AGTPBP1: variants seen among roughly 807,000 people sequenced by gnomAD.
The protein encoded by AGTPBP1 is cytosolic carboxypeptidase 1.
In AGTPBP1, 70 loss-of-function variants were observed where a neutral mutation model predicts 143.9. The ratio of observed to expected loss-of-function variants is 0.49; its 90% CI spans 0.40 to 0.59. AGTPBP1 has a LOEUF of 0.59. Among genes scored for constraint, AGTPBP1 ranks in the 20% least tolerant of loss-of-function variants. The pLI, the probability that AGTPBP1 is intolerant of heterozygous loss-of-function variation, is 0.00. For missense variants in AGTPBP1, 1,229 were observed against 1,464.5 expected (o/e 0.84, Z 2.62); for synonymous variants, 463 against 500.2 (o/e 0.93, Z 0.99).
intron 18 of AGTPBP1, among the ~76,000 whole-genome samples, chr9:85,594,546 C>T (rs1220097142): frequency 2.6e-5 from 4 of 151,988 alleles, no homozygotes; most frequent in African/African-American, 9.7e-5. Flanking sequence ...AGTCGGACTG[C>T]ACCATTGCTT....
intron 25 of AGTPBP1, among the ~76,000 whole-genome samples, chr9:85,565,468 T>C (rs1400608514): frequency 6.6e-6 from 1 of 152,156 alleles, no homozygotes; most frequent in Non-Finnish European, 1.5e-5. Context: ...TTTATATTCA[T>C]TAACTTGATA....
the AGTPBP1 span, among the ~76,000 whole-genome samples, chr9:85,792,659 T>A: frequency 6.6e-6 from 1 of 152,258 alleles, no homozygotes; most frequent in Non-Finnish European, 1.5e-5. Context: ...GCATTTAATA[T>A]CAAAATCATA....
intron 25 of AGTPBP1, among the ~76,000 whole-genome samples, chr9:85,558,651 T>C (rs1826502708): frequency 6.6e-6 from 1 of 152,332 alleles, no homozygotes; most frequent in South Asian, 2.1e-4. Context: ...TCTCATTCTG[T>C]TACCCAGGCT....
chr9:85,598,364 AC>A (rs1477427368), intron 17 of AGTPBP1, among the ~76,000 whole-genome samples: 1 of 152,208 alleles, frequency 6.6e-6, no homozygotes, highest in African/African-American at 2.4e-5. Flanking sequence ...CCAGATTAGT[AC>A]CACTTGTTCT....
intron 17 of AGTPBP1, among the ~76,000 whole-genome samples, chr9:85,610,880 G>C (rs895210100): frequency 2.0e-5 from 3 of 152,032 alleles, no homozygotes; most frequent in Non-Finnish European, 4.4e-5. Flanking sequence ...TTAATGTTAA[G>C]ACAAACCAAG....
intron 9 of AGTPBP1, among the ~76,000 whole-genome samples, chr9:85,658,557 T>TA (rs1301353429): frequency 6.6e-6 from 1 of 152,086 alleles, no homozygotes; most frequent in Non-Finnish European, 1.5e-5. Flanking sequence ...TGAGGTTGTT[T>TA]AATTACAAGG....
the AGTPBP1 span, among the ~76,000 whole-genome samples, chr9:85,777,878 C>T: frequency 1.3e-5 from 2 of 152,366 alleles, no homozygotes; most frequent in Non-Finnish European, 2.9e-5. Context: ...GTTCTGCCCA[C>T]TGGGAAGATT....
chr9:85,568,749 G>A (rs1402518761), intron 25 of AGTPBP1, among the ~76,000 whole-genome samples: 1 of 152,186 alleles, frequency 6.6e-6, no homozygotes, highest in Non-Finnish European at 1.5e-5. Flanking sequence ...AAATATCTCA[G>A]AAGAGAAATC....
intron 3 of AGTPBP1, among the ~76,000 whole-genome samples, chr9:85,684,007 C>T (rs558428182): frequency 6.6e-6 from 1 of 151,634 alleles, no homozygotes; most frequent in East Asian, 1.9e-4. Context: ...CCTGCTCCTA[C>T]ATCAGAGTAA....
At chr9:85,776,201 T>C in the AGTPBP1 span, among the ~76,000 whole-genome samples, 6 of 152,176 alleles carry the variant, frequency 3.9e-5, no homozygotes, top group Non-Finnish European at 5.9e-5. Flanking sequence ...TGTCACATGA[T>C]AAAGGAAAAA....
upstream of AGTPBP1, among the ~76,000 whole-genome samples, chr9:85,746,577 C>T (rs1285623586): frequency 6.6e-6 from 1 of 151,902 alleles, no homozygotes; most frequent in African/African-American, 2.4e-5. Flanking sequence ...TACAGTAAAC[C>T]GTAATCACAC....
chr9:85,770,914 G>A, the AGTPBP1 span, among the ~76,000 whole-genome samples: 1 of 151,972 alleles, frequency 6.6e-6, no homozygotes, highest in East Asian at 1.9e-4. Flanking sequence ...CATCATGTAT[G>A]AGTTGAAATG....
At position 85,669,654 on chromosome 9, in the gene AGTPBP1, G is replaced by C. The variant is rs950624592; in HGVS notation, c.569-76C>G. 6 of 869,580 alleles carry C rather than the reference G, an allele frequency of 6.9e-6. No homozygotes were observed. The African/African-American group carries it at 8.4e-5, about 12-fold the overall frequency. The allele number at this position is 869,580 out of a possible 1,614,324, so 53.9% of individuals were successfully genotyped here. A position where few individuals can be genotyped will look rare whatever the true frequency, so the allele number is the denominator to read the frequency against. On this transcript the variant is annotated intron_variant, in intron 7 of 25. Transcript: ENST00000357081. ...AAATGTGTATACTTAGTGATACATA[G>C]GCAAAAACATATACAAATTGTTTAG... is the stretch of plus-strand genomic sequence containing the variant.
At chr9:85,721,717 T>A (rs1838135592) in intron 1 of AGTPBP1, among the ~76,000 whole-genome samples, 1 of 152,198 alleles carries the variant, frequency 6.6e-6, no homozygotes. Context: ...GTCATTATGA[T>A]GTTAGCTGGT....
At chr9:85,580,222 G>A (rs1434119403) in intron 23 of AGTPBP1, among the ~76,000 whole-genome samples, 6 of 149,826 alleles carry the variant, frequency 4.0e-5, no homozygotes, top group African/African-American at 1.2e-4. Context: ...GGGCAACAAG[G>A]GTGAAACTCC....
intron 2 of AGTPBP1, among the ~76,000 whole-genome samples, chr9:85,698,410 G>A (rs937707607): frequency 9.2e-5 from 14 of 152,136 alleles, no homozygotes; most frequent in African/African-American, 1.2e-4. Flanking sequence ...GAAGGAAAAC[G>A]GAACAAAATT....
intron 1 of AGTPBP1, among the ~76,000 whole-genome samples, chr9:85,720,829 C>A (rs1315811222): frequency 2.6e-5 from 4 of 152,178 alleles, no homozygotes; most frequent in African/African-American, 9.7e-5. Context: ...CTACACACTG[C>A]TTTAAATGTG....
intron 17 of AGTPBP1, among the ~76,000 whole-genome samples, chr9:85,602,350 T>C (rs931402501): frequency 3.3e-5 from 5 of 151,892 alleles, no homozygotes; most frequent in Non-Finnish European, 7.4e-5. Context: ...CATTAAATGA[T>C]AGAAAAAAAT....
chr9:85,632,613 T>C, intron 14 of AGTPBP1, 49 bp downstream of exon 14: 3 of 1,466,320 alleles, frequency 2.0e-6, no homozygotes, highest in Non-Finnish European at 2.8e-6. Flanking sequence ...GACTGCCTCA[T>C]ATCTTGACAA....
Sources: gnomAD v4.1 joint callset for allele counts (sites outside exome capture counted in the v4.1 genomes callset) on GRCh38, gnomAD v4.1.1 for gene constraint, MANE v1.5 for transcripts, NCBI Gene and HGNC (gene_info 2026-07-23, HGNC 2026-07-21) for gene names.